The following STK11IP variants were observed in gnomAD, a reference collection of about 807,000 sequenced individuals.
STK11IP encodes serine/threonine kinase 11 interacting protein.
Under a neutral mutation model 131.7 loss-of-function variants are expected in STK11IP, and 103 were observed. That is an observed-to-expected ratio of 0.78 (90% CI 0.67 to 0.92). STK11IP has a LOEUF of 0.92. Among genes scored for constraint, STK11IP ranks in the 40% least tolerant of loss-of-function variants. STK11IP has a pLI of 0.00. For synonymous variants in STK11IP, 557 were observed against 575.6 expected, an observed-to-expected ratio of 0.97 and a Z score of 0.46; for missense variants, 1,315 against 1,385.7, an observed-to-expected ratio of 0.95 and a Z score of 0.81.
chr2:219,611,782 C>T lies in STK11IP; in HGVS notation c.2283C>T (p.Ser761=). Residue 761 remains serine, a synonymous_variant, in exon 18 of 25, where the codon AGC becomes AGT. Coordinates refer to ENST00000456909, the MANE Select transcript of STK11IP (RefSeq NM_052902.4). ...HGDHLDRAKN[S]PPQAPSTRDH... ...ACCACCTTGACAGGGCCAAGAACAG[C>T]CCACCTCAGGCACCGAGCACCCGTG... 6.2e-7 allele frequency: 1 copy of T among 1,613,022 alleles called. No individual in the cohort carries two copies. Among genetic ancestry groups the T allele is most frequent in the Non-Finnish European group, 8.5e-7 (1 of 1,179,856 alleles).
intron 21 of STK11IP, 49 bp downstream of exon 21, chr2:219,613,979 G>A (rs1184903505): frequency 6.6e-7 from 1 of 1,508,720 alleles, no homozygotes; most frequent in Non-Finnish European, 8.9e-7. Context: ...GGGTGGGCAG[G>A]GCCTTGGGGC....
chr2:219,608,255 C>T lies in STK11IP; in HGVS notation c.1428C>T (p.Ala476=). 6.2e-7 allele frequency: 1 copy of T among 1,613,576 alleles called. No homozygotes were observed. The stretch of plus-strand genomic sequence containing the variant: ...GACCTTCACCCCCGCAGGAGGAAGC[C>T]AGAGGCCCCCAGGAGTCACCACAGA... ...APRPSPPQEE[A]RGPQESPQKM... is the part of the protein sequence containing the mutation. Residue 476 remains alanine, a synonymous_variant, in exon 14 of 25, where the codon GCC becomes GCT. Transcript: ENST00000456909.
chr2:219,609,065 G>A, intron 15 of STK11IP, 32 bp from the exon 16 acceptor site: 1 of 1,513,188 alleles, frequency 6.6e-7, no homozygotes, highest in South Asian at 1.2e-5. Context: ...CGCCCCTGCT[G>A]TTTTTCACCC....
chr2:219,608,901 A>C (rs1698295250), intron 15 of STK11IP, 113 bp downstream of exon 15: 1 of 1,263,862 alleles, frequency 7.9e-7, no homozygotes, highest in Non-Finnish European at 1.1e-6. Context: ...CTAGGAGCCG[A>C]GGAGGGGAGC....
At chr2:219,600,215 G>A (rs1022992196) in intron 2 of STK11IP, among the ~76,000 whole-genome samples, 3 of 151,786 alleles carry the variant, frequency 2.0e-5, no homozygotes, top group Non-Finnish European at 4.4e-5. Context: ...GGCGCATGTC[G>A]CAATGCCCAG....
At chr2:219,611,876 G>A in intron 18 of STK11IP, 42 bp downstream of exon 18, 1 of 1,584,186 alleles carries the variant, frequency 6.3e-7, no homozygotes, top group African/African-American at 1.3e-5. Flanking sequence ...TTTGGGGAAG[G>A]GAAGGGGCAC....
intron 5 of STK11IP, among the ~76,000 whole-genome samples, 167 bp from the exon 6 acceptor site, chr2:219,602,301 A>G (rs190286219): frequency 6.6e-6 from 1 of 152,136 alleles, no homozygotes; most frequent in Non-Finnish European, 1.5e-5. Flanking sequence ...CTACCTTCCC[A>G]CTGTCCCTAC....
rs762377153 is a variant in STK11IP, at chr2:219,609,117, A to G, written c.1830A>G (p.Gly610=). ...CGCAGGGCTCAGATCTGCTCCCTGG[A>G]GCCCCCATCCTCAGTCTGCGCTTCT... ...PRPTGSDLLP[G]APILSLRFSY... is the part of the protein sequence containing the mutation. The change falls in exon 16 of 25, where the codon GGA becomes GGG. Residue 610 remains glycine, a synonymous_variant. Transcript: ENST00000456909. 4 of 1,604,022 alleles carry G rather than the reference A, an allele frequency of 2.5e-6. No individual in the cohort carries two copies. Among genetic ancestry groups the G allele is most frequent in the Non-Finnish European group, 3.4e-6 (4 of 1,175,558 alleles).
chr2:219,614,337 C>T, intron 22 of STK11IP, 95 bp downstream of exon 22: 1 of 1,532,116 alleles, frequency 6.5e-7, no homozygotes, highest in Non-Finnish European at 9.0e-7. Flanking sequence ...CCTGGGCAGC[C>T]ACCTGTCCTC....
In STK11IP at chr2:219,609,441, A is replaced by G; in HGVS notation, c.2005A>G (p.Arg669Gly). 1 of 1,612,616 alleles carries G rather than the reference A, an allele frequency of 6.2e-7. No individual in the cohort carries two copies. ...LGEARDLLLG[R>G]FQCLRCGHEF... is the part of the protein sequence containing the mutation. ...GGAGGCCAGGGACCTCCTGCTGGGT[A>G]GATTCCAGTGTCTACGCTGTGGCCA... Residue 669 changes from arginine (R) to glycine (G), a missense_variant, in exon 17 of 25, where the codon AGA becomes GGA. Arg to Gly is a moderately radical substitution (Grantham distance 125). Transcript: ENST00000456909.
intron 17 of STK11IP, 68 bp from the exon 18 acceptor site, chr2:219,611,536 C>T (rs964217059): frequency 4.5e-6 from 6 of 1,327,084 alleles, no homozygotes; most frequent in African/African-American, 4.3e-5. Context: ...GAAGGAGCAT[C>T]GTGAGCATGG....
At chr2:219,598,418 C>CT in intron 2 of STK11IP, 2 of 456,558 alleles carry the variant, frequency 4.4e-6, no homozygotes. Context: ...CGTGCCTTCT[C>CT]TGACACTGTC....
In STK11IP at chr2:219,606,852, G is replaced by C. The variant is rs770382662; in HGVS notation, c.1128G>C (p.Lys376Asn). ...GGVVTQPLLH[K>N]VKSRVRVRRA... ...TTGTGACCCAGCCCCTGCTTCATAA[G>C]GTTAAGGTAAGCAGCGTCCTCCGCT... Residue 376 changes from lysine (K) to asparagine (N), a missense_variant, in exon 12 of 25, where the codon AAG becomes AAC. Transcript: ENST00000456909. The C allele has an allele frequency of 2.5e-6, 4 of 1,610,606 alleles. No homozygotes were observed. Among genetic ancestry groups the C allele is most frequent in the Non-Finnish European group, 3.4e-6 (4 of 1,178,014 alleles).
rs774185385 is a variant in STK11IP at position 219,606,875 on chromosome 2, G to T, written c.1134+17G>T. The T allele has an allele frequency of 2.5e-6, 4 of 1,599,684 alleles. No individual in the cohort carries two copies. Among genetic ancestry groups the T allele is most frequent in the Non-Finnish European group, 3.4e-6 (4 of 1,171,082 alleles). On this transcript the variant is annotated intron_variant, in intron 12 of 24. Transcript: ENST00000456909. ...AAGGTTAAGGTAAGCAGCGTCCTCC[G>T]CTGCCTTGTGCCTGCGGTTGGGTGT...
intron 13 of STK11IP, 108 bp from the exon 14 acceptor site, chr2:219,607,939 C>T: frequency 6.9e-7 from 1 of 1,447,752 alleles, no homozygotes; most frequent in African/African-American, 1.4e-5. Context: ...TTGCCCGTGT[C>T]CCCATACACA....
chr2:219,615,736 C>T (rs998974077), intron 24 of STK11IP: 2 of 652,816 alleles, frequency 3.1e-6, no homozygotes, highest in Non-Finnish European at 2.9e-6. Context: ...GGGATGTTAA[C>T]CAGTTTGCCC....
At chr2:219,598,709 C>T (rs191688830) in intron 2 of STK11IP, among the ~76,000 whole-genome samples, 5 of 152,320 alleles carry the variant, frequency 3.3e-5, no homozygotes, top group Admixed American at 1.3e-4. Context: ...ATAGTAACTG[C>T]TTACAGTTGG....
intron 2 of STK11IP, chr2:219,598,391 G>A: frequency 4.1e-6 from 2 of 486,452 alleles, no homozygotes; most frequent in Non-Finnish European, 3.6e-6. Context: ...GAGGCCAAAG[G>A]GCGGTATCCC....
intron 2 of STK11IP, 197 bp downstream of exon 2, chr2:219,598,377 C>G: frequency 2.0e-6 from 1 of 493,764 alleles, no homozygotes; most frequent in Non-Finnish European, 3.5e-6. Context: ...TCTAGCCGTC[C>G]TTTGAGGCCA....
Sources: gnomAD v4.1 joint callset for allele counts (sites outside exome capture counted in the v4.1 genomes callset) on GRCh38, gnomAD v4.1.1 for gene constraint, MANE v1.5 for transcripts, NCBI Gene and HGNC (gene_info 2026-07-23, HGNC 2026-07-21) for gene names.